Variants in MAPK10 observed in about 807,000 individuals in gnomAD.
MAPK10 encodes the protein mitogen-activated protein kinase 10.
Under a neutral mutation model 59.3 loss-of-function variants are expected in MAPK10, and 25 were observed. The observed-to-expected ratio is 0.42, with a 90% confidence interval of 0.31 to 0.59. The LOEUF (loss-of-function observed/expected upper bound fraction) is 0.59, where lower values mean the gene tolerates loss of function less well. MAPK10 is among the 20% of genes least tolerant of loss of function. The probability of loss-of-function intolerance (pLI) is 0.15; values close to 1 mark genes in which losing one functional copy is unlikely to be tolerated. For missense variants in MAPK10, 351 were observed against 568.9 expected (o/e 0.62, Z 3.90); for synonymous variants, 190 against 200.5 (o/e 0.95, Z 0.44).
At chr4:86,271,563 T>C (rs1352421684) in intron 2 of MAPK10, among the ~76,000 whole-genome samples, 3 of 152,000 alleles carry the variant, frequency 2.0e-5, no homozygotes, top group Non-Finnish European at 4.4e-5. Context: ...GTGAGCATGA[T>C]GCCTGTATTA....
intron 2 of MAPK10, among the ~76,000 whole-genome samples, chr4:86,264,482 G>A (rs1179189651): frequency 1.3e-5 from 2 of 152,202 alleles, no homozygotes; most frequent in African/African-American, 4.8e-5. Context: ...CTTATAGGCT[G>A]AATAGCTGGT....
intron 2 of MAPK10, among the ~76,000 whole-genome samples, chr4:86,346,733 GA>G (rs3030114): frequency 0.019 from 2,621 of 138,624 alleles, 21 homozygotes; most frequent in African/African-American, 0.035. Flanking sequence ...AGTTTGTTTG[GA>G]AAAAAAAAAA....
intron 1 of MAPK10, among the ~76,000 whole-genome samples, chr4:86,473,219 G>C (rs1426810126): frequency 6.6e-6 from 1 of 152,132 alleles, no homozygotes; most frequent in Non-Finnish European, 1.5e-5. Flanking sequence ...AGAAATTGTG[G>C]TCTTAAAATA....
intron 3 of MAPK10, among the ~76,000 whole-genome samples, chr4:86,166,534 A>C (rs2071788561): frequency 6.6e-6 from 1 of 152,174 alleles, no homozygotes; most frequent in Non-Finnish European, 1.5e-5. Context: ...AGTATTTATC[A>C]CAAAAGTTGG....
In MAPK10 at chr4:86,477,522, T is replaced by C. The variant is rs1017132517; in HGVS notation, c.-263+116388A>G. Among the ~76,000 whole-genome samples, 53 of 152,236 alleles carry C rather than the reference T, an allele frequency of 3.5e-4. 1 individual carries two copies. Among genetic ancestry groups the C allele is most frequent in the African/African-American group, 1.2e-3 (50 of 41,538 alleles). On this transcript the variant is annotated intron_variant, in intron 1 of 4. Coordinates refer to the MAPK10 transcript ENST00000502302. Reference sequence around the variant, plus strand: ...ACTCTCTCCTTGGTGACCGATCATGTACCCCTACCATCTCATTACAACCTA... The same window carrying C: ...ACTCTCTCCTTGGTGACCGATCATGCACCCCTACCATCTCATTACAACCTA...
At chr4:86,247,940 G>A (rs1424861765) in intron 2 of MAPK10, among the ~76,000 whole-genome samples, 1 of 152,144 alleles carries the variant, frequency 6.6e-6, no homozygotes, top group Non-Finnish European at 1.5e-5. Context: ...GTCAGGCTTG[G>A]CCAATCTCAA....
intron 11 of MAPK10, among the ~76,000 whole-genome samples, chr4:86,047,421 GA>G (rs1388196888): frequency 6.6e-6 from 1 of 152,094 alleles, no homozygotes; most frequent in Non-Finnish European, 1.5e-5. Flanking sequence ...GTGTGGTAAG[GA>G]AACCGCAAGG....
rs201596678 is a variant in MAPK10 at position 86,481,429 on chromosome 4, G to GA, written c.-263+112480dup. 5.4e-3 allele frequency among the ~76,000 whole-genome samples: 715 copies of GA among 132,966 alleles called. 4 individuals carry two copies. The highest frequency in any genetic ancestry group is 0.013 in the African/African-American group (457 of 34,760). The allele number at this position is 132,966 out of a possible 152,430, so 87.2% of individuals were successfully genotyped here. On this transcript the variant is annotated intron_variant, in intron 1 of 4. Coordinates refer to the MAPK10 transcript ENST00000502302. ...TTAACTGAAAGTTGTGAAAGTGGAGGAAAAAAAAAAAAAAAACCATTGCCA... is the reference window on the plus strand; with the variant it reads ...TTAACTGAAAGTTGTGAAAGTGGAGGAAAAAAAAAAAAAAAAACCATTGCCA...
chr4:86,372,564 G>GAAAGACAGAAAGGA (rs1739002096), intron 1 of MAPK10, among the ~76,000 whole-genome samples: 1 of 78,690 alleles, frequency 1.3e-5, no homozygotes, highest in Admixed American at 1.4e-4. Context: ...AAGAAAGAAA[G>GAAAGACAGAAAGGA]AAAGAAAAGA....
intron 11 of MAPK10, among the ~76,000 whole-genome samples, chr4:86,053,808 A>G (rs558385083): frequency 1.3e-5 from 2 of 152,324 alleles, no homozygotes; most frequent in East Asian, 3.9e-4. Context: ...ACCTCAAGAT[A>G]AATAGGTAGA....
At chr4:86,358,440 G>A (rs1735637261) in intron 1 of MAPK10, 2 of 896,096 alleles carry the variant, frequency 2.2e-6, no homozygotes, top group South Asian at 1.0e-4. Context: ...CTTGCAGTTT[G>A]TTCATAAAAG....
At chr4:86,345,802 C>G (rs1000165621) in intron 2 of MAPK10, among the ~76,000 whole-genome samples, 2 of 152,210 alleles carry the variant, frequency 1.3e-5, no homozygotes, top group African/African-American at 4.8e-5. Flanking sequence ...CTATATATTC[C>G]TGCAGTGTCC....
intron 1 of MAPK10, among the ~76,000 whole-genome samples, chr4:86,519,567 A>C (rs1390213264): frequency 6.6e-6 from 1 of 152,128 alleles, no homozygotes; most frequent in Non-Finnish European, 1.5e-5. Flanking sequence ...GTGAATTCTT[A>C]TCCATTCTGC....
At chr4:86,021,812 T>G (rs1025090475) in intron 13 of MAPK10, among the ~76,000 whole-genome samples, 1 of 152,208 alleles carries the variant, frequency 6.6e-6, no homozygotes. Flanking sequence ...CCGGCACTGC[T>G]GGGGGACCCA....
intron 1 of MAPK10, among the ~76,000 whole-genome samples, chr4:86,588,061 A>G (rs1762757492): frequency 1.3e-5 from 2 of 152,302 alleles, no homozygotes; most frequent in South Asian, 4.2e-4. Flanking sequence ...CATTTTCCCT[A>G]GAAAAAAGCA....
At chr4:86,265,665 G>A (rs891117332) in intron 2 of MAPK10, among the ~76,000 whole-genome samples, 21 of 126,564 alleles carry the variant, frequency 1.7e-4, no homozygotes, top group Admixed American at 7.3e-5. Context: ...GCTTTGTTTC[G>A]GGCAGTAAGA....
At chr4:86,133,205 A>G (rs1479128086) in intron 4 of MAPK10, among the ~76,000 whole-genome samples, 1 of 152,220 alleles carries the variant, frequency 6.6e-6, no homozygotes, top group Non-Finnish European at 1.5e-5. Flanking sequence ...CTCTACAGAT[A>G]ATGATATTAC....
At chr4:86,229,129 A>G (rs1464282611) in intron 2 of MAPK10, among the ~76,000 whole-genome samples, 1 of 152,234 alleles carries the variant, frequency 6.6e-6, no homozygotes, top group Admixed American at 6.5e-5. Flanking sequence ...TTAAGTTTCA[A>G]CATAAAGATC....
At chr4:86,470,102 C>A (rs556510425) in intron 1 of MAPK10, among the ~76,000 whole-genome samples, 2 of 152,322 alleles carry the variant, frequency 1.3e-5, no homozygotes, top group East Asian at 3.9e-4. Context: ...CTTATTCCAG[C>A]CTCCATGACC....
Sources: allele counts gnomAD v4.1 joint callset (sites outside exome capture counted in the v4.1 genomes callset), GRCh38; gene constraint gnomAD v4.1.1; transcripts MANE v1.5; gene names NCBI Gene and HGNC (gene_info 2026-07-23, HGNC 2026-07-21).